Variants in FHIT observed in about 807,000 individuals in gnomAD.
FHIT encodes the protein bis(5'-adenosyl)-triphosphatase.
FHIT carries 19 observed loss-of-function variants against 17.9 expected under a neutral mutation model. The observed-to-expected ratio is 1.06, with a 90% CI of 0.74 to 1.56. FHIT has a LOEUF of 1.56. Ranked by LOEUF, FHIT falls within the 40% of genes most tolerant of loss-of-function variation. The pLI is 0.00. For synonymous variants in FHIT, 81 were observed against 69.7 expected (o/e 1.16, Z -0.81); for missense variants, 248 against 189.2 (o/e 1.31, Z -1.82).
At chr3:61,094,061 C>A (rs1251820729) in intron 2 of FHIT, among the ~76,000 whole-genome samples, 2 of 151,958 alleles carry the variant, frequency 1.3e-5, no homozygotes, top group Middle Eastern at 3.2e-3. Flanking sequence ...ATCCTTAAAA[C>A]CTCTGAAATT....
rs184440018 is a variant in FHIT, at chr3:59,749,346, G to A, written c.*239C>T. The A allele has an allele frequency of 5.2e-5, 12 of 231,268 alleles. No homozygotes were observed. The highest frequency in any genetic ancestry group is 3.7e-4 in the East Asian group (6 of 16,380). The allele number at this position is 231,268 out of a possible 1,614,324, so 14.3% of individuals were successfully genotyped here. On this transcript the variant is annotated 3_prime_UTR_variant, in exon 10 of 10. Transcript: ENST00000492590. ...AAGGAAGTTTAATCATAAGGCTGCCGAATAAGGAGACAGGGGGAAACCTCA... is the reference window on the plus strand; with the variant it reads ...AAGGAAGTTTAATCATAAGGCTGCCAAATAAGGAGACAGGGGGAAACCTCA...
rs1394258226 is a variant in FHIT at position 59,748,043 on chromosome 3, G to A, written c.*1542C>T. On this transcript the variant is annotated 3_prime_UTR_variant, in exon 10 of 10. Transcript: ENST00000492590. ...TGCTAGAATTAAATGCCCCTCTAATGGTGGCTAGCCTCACTTTTTAACACA... is the reference window on the plus strand; with the variant it reads ...TGCTAGAATTAAATGCCCCTCTAATAGTGGCTAGCCTCACTTTTTAACACA... 6.6e-6 allele frequency among the ~76,000 whole-genome samples: 1 copy of A among 152,078 alleles called. No homozygotes were observed. The highest frequency in any genetic ancestry group is 1.9e-4 in the East Asian group (1 of 5,194).
chr3:60,594,974 C>T (rs905925015), intron 4 of FHIT, among the ~76,000 whole-genome samples: 8 of 152,012 alleles, frequency 5.3e-5, no homozygotes, highest in African/African-American at 1.7e-4. Context: ...TCTTCCTGGA[C>T]CTTTTGTTTC....
chr3:60,851,708 G>A (rs887014968), intron 3 of FHIT, among the ~76,000 whole-genome samples: 1 of 152,032 alleles, frequency 6.6e-6, no homozygotes, highest in Non-Finnish European at 1.5e-5. Context: ...ATGTCACATA[G>A]ACCCCATTAA....
At chr3:59,984,099 C>A (rs946399204) in intron 7 of FHIT, among the ~76,000 whole-genome samples, 10 of 152,112 alleles carry the variant, frequency 6.6e-5, no homozygotes, top group African/African-American at 2.4e-4. Flanking sequence ...CAAGGTGAAA[C>A]TCAGTCACTG....
chr3:60,258,056 GAAATT>G (rs1437253256), intron 5 of FHIT, among the ~76,000 whole-genome samples: 2 of 105,170 alleles, frequency 1.9e-5, no homozygotes, highest in African/African-American at 7.5e-5. Context: ...TTAAAAGTTG[GAAATT>G]AAATACACAC....
chr3:60,601,629 A>T (rs186168173), intron 4 of FHIT, among the ~76,000 whole-genome samples: 1 of 152,290 alleles, frequency 6.6e-6, no homozygotes, highest in African/African-American at 2.4e-5. Flanking sequence ...AAAAGGCATG[A>T]CTACCATGCA....
At position 61,042,415 on chromosome 3, in the gene FHIT, G is replaced by A. The variant is rs529036759; in HGVS notation, c.-163-316C>T. Among the ~76,000 whole-genome samples, 56 of 152,254 alleles carry A rather than the reference G, an allele frequency of 3.7e-4. 1 individual carries two copies. In the South Asian group the frequency reaches 8.5e-3, roughly 23 times the overall value. ...GAAATCATAAGCAGTATGGAACCTC[G>A]GAGGTAAGTTGGGGTATAAAAGAAA... On this transcript the variant is annotated intron_variant, in intron 2 of 9. Transcript: ENST00000492590.
At chr3:60,365,837 A>G (rs1425401809) in intron 5 of FHIT, among the ~76,000 whole-genome samples, 1 of 152,156 alleles carries the variant, frequency 6.6e-6, no homozygotes, top group African/African-American at 2.4e-5. Flanking sequence ...TTCATTATGG[A>G]ACATTTTTCT....
intron 1 of FHIT, among the ~76,000 whole-genome samples, chr3:61,206,324 CT>C (rs2039228743): frequency 7.5e-6 from 1 of 133,914 alleles, no homozygotes; most frequent in Non-Finnish European, 1.6e-5. Context: ...TCCATATGAA[CT>C]TTAAAGTAGT....
At chr3:60,513,523 G>T (rs553795106) in intron 5 of FHIT, among the ~76,000 whole-genome samples, 7 of 152,236 alleles carry the variant, frequency 4.6e-5, no homozygotes, top group Non-Finnish European at 1.0e-4. Flanking sequence ...TTCAGTTAAG[G>T]ATAACAAAGA....
intron 4 of FHIT, among the ~76,000 whole-genome samples, chr3:60,780,037 G>A (rs543724297): frequency 6.6e-6 from 1 of 152,234 alleles, no homozygotes; most frequent in Admixed American, 6.5e-5. Context: ...CTGGAACTTG[G>A]GGATGCAAGG....
chr3:60,216,095 C>T (rs940994602), intron 5 of FHIT, among the ~76,000 whole-genome samples: 5 of 152,088 alleles, frequency 3.3e-5, no homozygotes, highest in Non-Finnish European at 5.9e-5. Context: ...AAAGGGGGAT[C>T]AACACTGAAA....
chr3:60,701,733 T>A (rs2107910632), intron 4 of FHIT, among the ~76,000 whole-genome samples: 1 of 152,356 alleles, frequency 6.6e-6, no homozygotes, highest in East Asian at 1.9e-4. Flanking sequence ...TCCAGCTGCA[T>A]GACTCCTAAA....
chr3:59,932,024 A>G (rs1248563440), intron 7 of FHIT, among the ~76,000 whole-genome samples: 1 of 152,148 alleles, frequency 6.6e-6, no homozygotes, highest in African/African-American at 2.4e-5. Context: ...GTGTCACTGA[A>G]CTCTGAGAGC....
rs563424894 is a variant in FHIT, at chr3:60,858,902, C to T, written c.-110-36891G>A. Among the ~76,000 whole-genome samples, 16 of 152,252 alleles carry T rather than the reference C, an allele frequency of 1.1e-4. 1 individual carries two copies. The highest frequency in any genetic ancestry group is 2.1e-4 in the Non-Finnish European group (14 of 68,018). On this transcript the variant is annotated intron_variant, in intron 3 of 9. Transcript: ENST00000492590. The stretch of plus-strand genomic sequence containing the variant: ...CACAGGCTGCAATGCCTAAGTGCAA[C>T]AGGATGATTTAAAAAGCACCATGAT...
chr3:60,544,988 T>C (rs1364172405), intron 4 of FHIT, among the ~76,000 whole-genome samples: 2 of 152,218 alleles, frequency 1.3e-5, no homozygotes, highest in Non-Finnish European at 2.9e-5. Flanking sequence ...GCATTTTCTG[T>C]TTCATGAGCG....
intron 4 of FHIT, among the ~76,000 whole-genome samples, chr3:60,663,686 A>G (rs1287189303): frequency 1.3e-5 from 2 of 152,026 alleles, no homozygotes; most frequent in Non-Finnish European, 2.9e-5. Context: ...CTCAAAGTGC[A>G]GGGATTACAG....
intron 4 of FHIT, among the ~76,000 whole-genome samples, chr3:60,769,740 T>C (rs1480609264): frequency 2.6e-5 from 4 of 152,250 alleles, no homozygotes; most frequent in African/African-American, 7.2e-5. Context: ...GGTTGAAGTA[T>C]GGCCGCTGGG....
Sources: gnomAD v4.1 joint callset for allele counts (sites outside exome capture counted in the v4.1 genomes callset) on GRCh38, gnomAD v4.1.1 for gene constraint, MANE v1.5 for transcripts, NCBI Gene and HGNC (gene_info 2026-07-23, HGNC 2026-07-21) for gene names.